FBXW8: variants seen among roughly 807,000 people sequenced by gnomAD.
FBXW8 encodes the protein F-box and WD repeat domain containing 8.
Under a neutral mutation model 65.3 loss-of-function variants are expected in FBXW8, and 57 were observed. The observed-to-expected ratio is 0.87, with a 90% CI of 0.71 to 1.09. The LOEUF (loss-of-function observed/expected upper bound fraction) is 1.09. Among genes scored for constraint, FBXW8 ranks in the 50% least tolerant of loss-of-function variants. The pLI is 0.00. For synonymous variants in FBXW8, 308 were observed against 330.2 expected (o/e 0.93, Z 0.73); for missense variants, 777 against 814.8 (o/e 0.95, Z 0.57).
At chr12:117,019,904 T>G (rs117378090) in intron 8 of FBXW8, among the ~76,000 whole-genome samples, 25 of 152,358 alleles carry the variant, frequency 1.6e-4, no homozygotes, top group South Asian at 8.3e-4. Context: ...TTTGGTTTTA[T>G]TTAAACAGGA....
At chr12:117,010,276 C>T in intron 7 of FBXW8, 47 bp from the exon 8 acceptor site, 1 of 1,613,170 alleles carries the variant, frequency 6.2e-7, no homozygotes, top group Admixed American at 1.7e-5. Context: ...TTGATGTCGG[C>T]CTGGTGTGTG....
intron 1 of FBXW8, among the ~76,000 whole-genome samples, chr12:116,920,742 A>G (rs1205974431): frequency 6.6e-6 from 1 of 152,170 alleles, no homozygotes; most frequent in Non-Finnish European, 1.5e-5. Flanking sequence ...TGTTGCCTTG[A>G]TCATTTGTAA....
At chr12:116,987,692 T>TAAAC (rs199576840) in intron 6 of FBXW8, among the ~76,000 whole-genome samples, 30 of 152,202 alleles carry the variant, frequency 2.0e-4, no homozygotes, top group African/African-American at 3.9e-4. Context: ...CAGTTCATTG[T>TAAAC]AAACAAACAA....
chr12:116,955,044 G>C (rs368147948), intron 4 of FBXW8, among the ~76,000 whole-genome samples: 99 of 151,426 alleles, frequency 6.5e-4, no homozygotes, highest in African/African-American at 2.4e-3. Context: ...AATGGGGGGG[G>C]GGGGCCCTGT....
intron 5 of FBXW8, among the ~76,000 whole-genome samples, chr12:116,970,866 A>G (rs1384732972): frequency 6.6e-6 from 1 of 152,160 alleles, no homozygotes; most frequent in Non-Finnish European, 1.5e-5. Flanking sequence ...TTCAATCATC[A>G]GTTCTTGCCT....
chr12:116,947,932 A>G (rs1883040045), intron 3 of FBXW8, among the ~76,000 whole-genome samples: 3 of 152,130 alleles, frequency 2.0e-5, no homozygotes, highest in African/African-American at 7.2e-5. Flanking sequence ...CTCAGTGCTC[A>G]GGCGAGGTTG....
intron 2 of FBXW8, among the ~76,000 whole-genome samples, chr12:116,933,123 A>G (rs1322950741): frequency 6.6e-6 from 1 of 152,154 alleles, no homozygotes; most frequent in Non-Finnish European, 1.5e-5. Context: ...TTGATTTGTT[A>G]TATTCTAACT....
chr12:117,030,291 G>A lies in FBXW8; in HGVS notation c.*2119G>A, dbSNP rs1954328808. 6.6e-6 allele frequency: 1 copy of A among 152,188 alleles called. No individual in the cohort carries two copies. Among genetic ancestry groups the A allele is most frequent in the Non-Finnish European group, 1.5e-5 (1 of 68,038 alleles). The allele number at this position is 152,188 out of a possible 1,614,324, so 9.4% of individuals were successfully genotyped here. ...GCTTTCTTTCAGACCCTGCCTACCT[G>A]CAGGCAGATGGACCGGAGGGTTTTC... is the stretch of plus-strand genomic sequence containing the variant. On this transcript the variant is annotated 3_prime_UTR_variant, in exon 11 of 11. Transcript: ENST00000652555.
chr12:116,983,537 A>G (rs1885461054), intron 5 of FBXW8, among the ~76,000 whole-genome samples: 2 of 152,316 alleles, frequency 1.3e-5, no homozygotes, highest in South Asian at 4.1e-4. Context: ...CCAATTCTCT[A>G]TATTTATTTA....
chr12:116,915,186 G>A (rs186537146), intron 1 of FBXW8, among the ~76,000 whole-genome samples: 58 of 152,358 alleles, frequency 3.8e-4, no homozygotes, highest in Non-Finnish European at 7.2e-4. Context: ...AGCCCACAGG[G>A]CTAAGGCAGG....
intron 5 of FBXW8, among the ~76,000 whole-genome samples, chr12:116,969,327 C>T (rs959969634): frequency 2.0e-5 from 3 of 152,124 alleles, no homozygotes; most frequent in East Asian, 3.9e-4. Context: ...TGGTCTGATT[C>T]GGGTTGTTAC....
rs1250796337 is a variant in FBXW8 at position 116,911,254 on chromosome 12, C to T, written c.217C>T (p.Arg73Trp). The T allele has an allele frequency of 1.6e-6, 2 of 1,243,692 alleles. No individual in the cohort carries two copies. The highest frequency in any genetic ancestry group is 1.6e-5 in the African/African-American group (1 of 64,196). The allele number at this position is 1,243,692 out of a possible 1,614,324, so 77.0% of individuals were successfully genotyped here. The change falls in exon 1 of 11, where the codon CGG (arginine) becomes TGG (tryptophan). Residue 73 changes from arginine to tryptophan, a missense_variant. Transcript: ENST00000652555. ...GAGGCCCCCGGCGGCGCGGGCGACTCGGGCCGAGGGGCAGGACGTAGCGAG... is the reference window on the plus strand; with the variant it reads ...GAGGCCCCCGGCGGCGCGGGCGACTTGGGCCGAGGGGCAGGACGTAGCGAG... ...AGRPPAARAT[R>W]AEGQDVASRS...
rs1954292101 is a variant in FBXW8, at chr12:117,028,475, A to G, written c.*303A>G. On this transcript the variant is annotated 3_prime_UTR_variant, in exon 11 of 11. Coordinates refer to ENST00000652555, the MANE Select transcript of FBXW8 (RefSeq NM_153348.3). The surrounding 1 kb of genome is among the most constrained non-coding windows in gnomAD (Gnocchi z 4.1). The stretch of plus-strand genomic sequence containing the variant: ...CTCAGGGATCTCGCTGCGCGGTCCT[A>G]TACGGTCCCTGCTTAGCCAGCTTCT... The G allele has an allele frequency of 2.9e-6, 1 of 340,904 alleles. No homozygotes were observed. The allele number at this position is 340,904 out of a possible 1,614,324, so 21.1% of individuals were successfully genotyped here.
chr12:116,989,281 G>A (rs1953179242), intron 7 of FBXW8, among the ~76,000 whole-genome samples: 1 of 152,198 alleles, frequency 6.6e-6, no homozygotes, highest in Non-Finnish European at 1.5e-5. Flanking sequence ...TAGGATTCCA[G>A]CATATGCTTC....
chr12:116,980,056 T>C (rs1399181775), intron 5 of FBXW8, among the ~76,000 whole-genome samples: 2 of 152,164 alleles, frequency 1.3e-5, no homozygotes, highest in African/African-American at 2.4e-5. Flanking sequence ...AGCTGATTCA[T>C]GGACTGGGAT....
intron 5 of FBXW8, among the ~76,000 whole-genome samples, chr12:116,983,993 T>C (rs1300528831): frequency 6.6e-6 from 1 of 152,152 alleles, no homozygotes; most frequent in Non-Finnish European, 1.5e-5. Flanking sequence ...ACTCAAATAG[T>C]CACAAACTGT....
chr12:117,000,753 A>G (rs776498484), intron 7 of FBXW8, among the ~76,000 whole-genome samples: 1 of 152,234 alleles, frequency 6.6e-6, no homozygotes, highest in Non-Finnish European at 1.5e-5. Flanking sequence ...GAGTAAAATC[A>G]TGGTACCTAT....
chr12:117,018,174 G>A (rs1179617188), intron 8 of FBXW8, among the ~76,000 whole-genome samples: 3 of 152,140 alleles, frequency 2.0e-5, no homozygotes, highest in Admixed American at 6.5e-5. Flanking sequence ...GGCTACCGCC[G>A]ACTCCTATGG....
chr12:116,965,215 A>G (rs780246294), intron 5 of FBXW8, among the ~76,000 whole-genome samples: 17 of 152,364 alleles, frequency 1.1e-4, no homozygotes, highest in Non-Finnish European at 2.4e-4. Flanking sequence ...CTCAGCCCAA[A>G]GGGAATAGTG....
Sources: gnomAD v4.1 joint callset for allele counts (sites outside exome capture counted in the v4.1 genomes callset) on GRCh38, gnomAD v4.1.1 for gene constraint, Gnocchi (gnomAD v3.1) non-coding constraint, MANE v1.5 for transcripts, NCBI Gene and HGNC (gene_info 2026-07-23, HGNC 2026-07-21) for gene names.